TXNRD1: variants seen among roughly 807,000 people sequenced by gnomAD.
TXNRD1 encodes the protein thioredoxin reductase 1, cytoplasmic.
In TXNRD1, 57 loss-of-function variants were observed where a neutral mutation model predicts 80.3. The ratio of observed to expected loss-of-function variants is 0.71; its 90% confidence interval spans 0.57 to 0.89. The LOEUF is 0.89. TXNRD1 is among the 40% of genes least tolerant of loss of function. The pLI, the probability that TXNRD1 is intolerant of heterozygous loss-of-function variation, is 0.00. For synonymous variants in TXNRD1, 291 were observed against 285.2 expected, an observed-to-expected ratio of 1.02 and a Z score of -0.20; for missense variants, 730 against 803.0, an observed-to-expected ratio of 0.91 and a Z score of 1.10.
chr12:104,303,782 G>A, intron 4 of TXNRD1: 2 of 1,269,360 alleles, frequency 1.6e-6, no homozygotes, highest in Non-Finnish European at 2.1e-6. Context: ...CTTTCCACAC[G>A]CTGGGAGGGC....
At chr12:104,246,328 TG>T (rs2135699603) in intron 1 of TXNRD1, among the ~76,000 whole-genome samples, 1 of 137,986 alleles carries the variant, frequency 7.2e-6, no homozygotes, top group African/African-American at 2.8e-5. Context: ...CTCGGGAGGC[TG>T]AGGCAGGAGA....
intron 1 of TXNRD1, among the ~76,000 whole-genome samples, chr12:104,231,929 G>T (rs1467153417): frequency 6.6e-6 from 1 of 152,096 alleles, no homozygotes; most frequent in East Asian, 1.9e-4. Context: ...ATGAGACTAG[G>T]ATTTAATGAC....
chr12:104,245,381 CAG>C (rs2032957088), intron 1 of TXNRD1, among the ~76,000 whole-genome samples: 1 of 151,206 alleles, frequency 6.6e-6, no homozygotes, highest in African/African-American at 2.4e-5. Flanking sequence ...CATGGTGGCA[CAG>C]GCACATGTCG....
At position 104,224,763 on chromosome 12, in the gene TXNRD1, T is replaced by C. The variant is rs1008745749; in HGVS notation, c.91+8870T>C. 3.5e-5 allele frequency: 16 copies of C among 450,958 alleles called. No individual in the cohort carries two copies. In the Admixed American group the frequency reaches 3.6e-4, roughly 10 times the overall value. 27.9% of individuals were successfully genotyped at this position (450,958 alleles called of 1,614,324 possible). A position where few individuals can be genotyped will look rare whatever the true frequency, so the allele number is the denominator to read the frequency against. On this transcript the variant is annotated intron_variant, in intron 1 of 16. Transcript: ENST00000525566. ...ATGCTCGGTAAATGTTCAAATATAG[T>C]TGTGTCAAGTTATTCCCTCCTGATT... is the stretch of plus-strand genomic sequence containing the variant.
chr12:104,256,857 A>G (rs2033262889), intron 2 of TXNRD1, among the ~76,000 whole-genome samples: 1 of 151,642 alleles, frequency 6.6e-6, no homozygotes, highest in Non-Finnish European at 1.5e-5. Flanking sequence ...TTCCCATTTT[A>G]TCAAAATGTT....
intron 1 of TXNRD1, among the ~76,000 whole-genome samples, chr12:104,226,505 C>A (rs2032477022): frequency 6.6e-6 from 1 of 152,306 alleles, no homozygotes; most frequent in Middle Eastern, 3.4e-3. Flanking sequence ...TTACAGAGAT[C>A]TCCTGTTATA....
chr12:104,323,503 C>G (rs1206346921), intron 10 of TXNRD1, among the ~76,000 whole-genome samples: 3 of 147,100 alleles, frequency 2.0e-5, no homozygotes, highest in African/African-American at 7.6e-5. Context: ...CCTCACCTCC[C>G]GGACGGGGCG....
chr12:104,252,666 A>ATATATATATATATG (rs2033147012), intron 2 of TXNRD1, among the ~76,000 whole-genome samples: 1 of 45,434 alleles, frequency 2.2e-5, no homozygotes, highest in Non-Finnish European at 4.1e-5. Flanking sequence ...TATTTTTTAT[A>ATATATATATATATG]TATATATATA....
chr12:104,267,617 A>G (rs2033533064), intron 3 of TXNRD1, among the ~76,000 whole-genome samples: 1 of 149,078 alleles, frequency 6.7e-6, no homozygotes, highest in South Asian at 2.2e-4. Context: ...TGGTGTTGAT[A>G]TCATGATAGG....
In TXNRD1 at chr12:104,255,241, G is replaced by T. The variant is rs201363239; in HGVS notation, c.244-2778G>T. On this transcript the variant is annotated intron_variant, in intron 2 of 16. Coordinates refer to ENST00000525566, the MANE Select transcript of TXNRD1 (RefSeq NM_001093771.3). ...GCTACTAGTGGTAGATAGTCAGTAT[G>T]CTCCTTGCAATCCCAGATCTCTTTG... 1.9e-4 allele frequency among the ~76,000 whole-genome samples: 29 copies of T among 152,256 alleles called. 1 individual carries two copies. The East Asian group carries it at 5.6e-3, about 29-fold the overall frequency.
intron 13 of TXNRD1, among the ~76,000 whole-genome samples, chr12:104,330,259 A>G (rs1023705730): frequency 1.3e-5 from 2 of 152,326 alleles, no homozygotes; most frequent in South Asian, 2.1e-4. Context: ...GCCTCTGTGT[A>G]TAAGTATAAC....
intron 4 of TXNRD1, chr12:104,309,737 C>A: frequency 6.7e-7 from 1 of 1,496,054 alleles, no homozygotes; most frequent in South Asian, 1.2e-5. Flanking sequence ...GCTATTATTA[C>A]CAAATTGTTT....
chr12:104,289,474 G>T (rs943089499), intron 4 of TXNRD1: 1 of 156,484 alleles, frequency 6.4e-6, no homozygotes, highest in Admixed American at 6.2e-5. Context: ...AGGGGTAGGG[G>T]ACCCGGAAAC....
At chr12:104,279,548 G>A (rs1003186942) in intron 3 of TXNRD1, among the ~76,000 whole-genome samples, 12 of 152,158 alleles carry the variant, frequency 7.9e-5, no homozygotes, top group Non-Finnish European at 1.6e-4. Flanking sequence ...GAAAGAAGAT[G>A]AAGAAGCAGA....
intron 16 of TXNRD1, among the ~76,000 whole-genome samples, chr12:104,340,904 A>G (rs2036303812): frequency 6.6e-6 from 1 of 152,170 alleles, no homozygotes; most frequent in African/African-American, 2.4e-5. Flanking sequence ...TTCAATAGCC[A>G]TTTTTGATAG....
At position 104,332,705 on chromosome 12, in the gene TXNRD1, C is replaced by T. The variant is rs182062244; in HGVS notation, c.1650+1064C>T. 7.5e-4 allele frequency among the ~76,000 whole-genome samples: 105 copies of T among 139,958 alleles called. 3 individuals are homozygous for T. The South Asian group carries it at 0.01, about 14-fold the overall frequency. The allele number at this position is 139,958 out of a possible 152,430, so 91.8% of individuals were successfully genotyped here. ...CGGAGGTTGCAGTGAGCCAAGATTG[C>T]GCCATTGCACTCCAGCCTGGGCAAC... On this transcript the variant is annotated intron_variant, in intron 14 of 16. Coordinates refer to ENST00000525566, the MANE Select transcript of TXNRD1 (RefSeq NM_001093771.3).
chr12:104,289,108 G>T, intron 4 of TXNRD1, 68 bp downstream of exon 4: 2 of 1,540,190 alleles, frequency 1.3e-6, no homozygotes, highest in Non-Finnish European at 8.8e-7. Flanking sequence ...GTCACAGCCT[G>T]CCTTTTAAAG....
chr12:104,275,072 G>A lies in TXNRD1; in HGVS notation c.305-13859G>A, dbSNP rs1397549455. ...GAATGCAGGCACTAATTTTTAAAGAGGTTTTTCATGTTCCTTTCACTCCTT... is the reference window on the plus strand; with the variant it reads ...GAATGCAGGCACTAATTTTTAAAGAAGTTTTTCATGTTCCTTTCACTCCTT... On this transcript the variant is annotated intron_variant, in intron 3 of 16. Coordinates refer to ENST00000525566, the MANE Select transcript of TXNRD1 (RefSeq NM_001093771.3). 3.3e-5 allele frequency among the ~76,000 whole-genome samples: 5 copies of A among 152,200 alleles called. No individual in the cohort carries two copies. The South Asian group carries it at 1.0e-3, about 32-fold the overall frequency.
chr12:104,240,138 T>G (rs74241081), intron 1 of TXNRD1, among the ~76,000 whole-genome samples: 5,363 of 152,312 alleles, frequency 0.035, 175 homozygotes, highest in East Asian at 0.18. Flanking sequence ...TTGTATTTTC[T>G]GGACAAGATT....
Sources: allele counts gnomAD v4.1 joint callset (sites outside exome capture counted in the v4.1 genomes callset), GRCh38; gene constraint gnomAD v4.1.1; transcripts MANE v1.5; gene names NCBI Gene and HGNC (gene_info 2026-07-23, HGNC 2026-07-21).